The following NFIC variants were observed in gnomAD, a reference collection of about 807,000 sequenced individuals.
NFIC encodes the protein nuclear factor I C.
NFIC carries 12 observed loss-of-function variants against 54.4 expected under a neutral mutation model. The observed-to-expected ratio is 0.22, with a 90% CI of 0.14 to 0.36. The LOEUF is 0.36. Ranked by LOEUF, NFIC falls within the 10% of genes least tolerant of loss-of-function variation. The pLI is 1.00. For synonymous variants in NFIC, 322 were observed against 319.2 expected, an observed-to-expected ratio of 1.01 and a Z score of -0.09; for missense variants, 575 against 718.2, an observed-to-expected ratio of 0.80 and a Z score of 2.28.
In NFIC at chr19:3,452,783, T is replaced by A. The variant is rs1211071935; in HGVS notation, c.1269+117T>A. Reference sequence around the variant, plus strand: ...TAAAAGGGTCTTGAGGACTTGGCTCTGAAGTCCCCTCCTCTGTCGTGCTGG... The same window carrying A: ...TAAAAGGGTCTTGAGGACTTGGCTCAGAAGTCCCCTCCTCTGTCGTGCTGG... On this transcript the variant is annotated intron_variant, in intron 8 of 10. Transcript: ENST00000443272. This position sits in a 1 kb window ranked among gnomAD's most constrained non-coding sequence, Gnocchi z 5.3. 2.4e-6 allele frequency: 3 copies of A among 1,229,958 alleles called. No individual in the cohort carries two copies. Among genetic ancestry groups the A allele is most frequent in the Non-Finnish European group, 3.4e-6 (3 of 894,042 alleles). 76.2% of individuals were successfully genotyped at this position (1,229,958 alleles called of 1,614,324 possible). A position where few individuals can be genotyped will look rare whatever the true frequency, so the allele number is the denominator to read the frequency against.
intron 3 of NFIC, among the ~76,000 whole-genome samples, chr19:3,431,060 C>T (rs1198225853): frequency 2.6e-5 from 4 of 151,820 alleles, no homozygotes; most frequent in African/African-American, 7.3e-5. Context: ...TGTGTCAGAG[C>T]CTCGTTCTTT....
At chr19:3,428,953 C>T (rs1344232810) in intron 3 of NFIC, among the ~76,000 whole-genome samples, 1 of 151,998 alleles carries the variant, frequency 6.6e-6, no homozygotes, top group Non-Finnish European at 1.5e-5. Context: ...CCTCCCAGCG[C>T]GGGGCAGGGT....
chr19:3,381,844 C>G lies in NFIC; in HGVS notation c.163C>G (p.Arg55Gly). Residue 55 changes from arginine to glycine, a missense_variant, in exon 2 of 11, where the codon CGT (arginine) becomes GGT (glycine). Around this residue, in one of 3 missense-constraint regions of NFIC, gnomAD observed 122 missense variants for 158.0 expected, o/e 0.77. Transcript: ENST00000443272. ...GAAGCGGATGTCGAAGGACGAGGAG[C>G]GTGCGGTCAAGGACGAGCTGCTGGG... ...HEKRMSKDEE[R>G]AVKDELLGEK... 1 of 1,614,036 alleles carries G rather than the reference C, an allele frequency of 6.2e-7. No individual in the cohort carries two copies. The highest frequency in any genetic ancestry group is 2.2e-5 in the East Asian group (1 of 44,874).
rs539183613 is a variant in NFIC, at chr19:3,404,138, C to CT, written c.563-20968_563-20967insT. On this transcript the variant is annotated intron_variant, in intron 2 of 10. Coordinates refer to ENST00000443272, the MANE Select transcript of NFIC (RefSeq NM_001245002.2). ...GGCTCCCCCCGAGGCCTGCCCTTCT[C>CT]CCCCCCCCGTCACAGCCGCCGAGTC... 4.9e-4 allele frequency among the ~76,000 whole-genome samples: 74 copies of CT among 150,022 alleles called. 1 individual carries two copies. In the East Asian group the frequency reaches 0.014, roughly 28 times the overall value.
rs1420948888 is a variant in NFIC at position 3,381,824 on chromosome 19, G to A, written c.143G>A (p.Arg48Gln). 2 of 1,614,020 alleles carry A rather than the reference G, an allele frequency of 1.2e-6. No homozygotes were observed. The highest frequency in any genetic ancestry group is 1.7e-6 in the Non-Finnish European group (2 of 1,179,976). Residue 48 changes from arginine (R) to glutamine (Q), a missense_variant, in exon 2 of 11, where the codon CGG (arginine) becomes CAG (glutamine). Physicochemically the swap from Arg to Gln is conservative, Grantham distance 43. Transcript: ENST00000443272. Reference sequence around the variant, plus strand: ...AAGTACTTCAAGAAGCACGAGAAGCGGATGTCGAAGGACGAGGAGCGTGCG... The same window carrying A: ...AAGTACTTCAAGAAGCACGAGAAGCAGATGTCGAAGGACGAGGAGCGTGCG... ...KRKYFKKHEK[R>Q]MSKDEERAVK...
chr19:3,435,847 A>G (rs1217671075), intron 6 of NFIC, among the ~76,000 whole-genome samples: 2 of 151,008 alleles, frequency 1.3e-5, no homozygotes, highest in East Asian at 3.9e-4. Context: ...TTTTTTTGAG[A>G]TGGAGTTTCG....
At chr19:3,404,013 C>T (rs1172109736) in intron 2 of NFIC, among the ~76,000 whole-genome samples, 1 of 151,294 alleles carries the variant, frequency 6.6e-6, no homozygotes, top group African/African-American at 2.4e-5. Context: ...TTCTCCACCC[C>T]CCCAGCCCCT....
chr19:3,413,770 G>A (rs1351904705), intron 2 of NFIC, among the ~76,000 whole-genome samples: 1 of 151,980 alleles, frequency 6.6e-6, no homozygotes. Flanking sequence ...CGGAGCAGCT[G>A]GGATTACAGG....
rs1481214741 is a variant in NFIC, at chr19:3,382,261, G to T, written c.562+18G>T. On this transcript the variant is annotated intron_variant, in intron 2 of 10. Coordinates refer to ENST00000443272, the MANE Select transcript of NFIC (RefSeq NM_001245002.2). ...TGAGCGAGGTGAGGTGTGGTGGCCT[G>T]AGCGGAGCGGCCAGCGGGGAGGGTG... 1 of 1,591,802 alleles carries T rather than the reference G, an allele frequency of 6.3e-7. No homozygotes were observed. Among genetic ancestry groups the T allele is most frequent in the Non-Finnish European group, 8.5e-7 (1 of 1,174,398 alleles).
At position 3,433,414 on chromosome 19, in the gene NFIC, C is replaced by T. The variant is rs938881988; in HGVS notation, c.635-104C>T. The T allele has an allele frequency of 1.9e-5, 22 of 1,180,636 alleles. No individual in the cohort carries two copies. In the East Asian group the frequency reaches 2.0e-4, roughly 11 times the overall value. 73.1% of individuals were successfully genotyped at this position (1,180,636 alleles called of 1,614,324 possible). A position where few individuals can be genotyped will look rare whatever the true frequency, so the allele number is the denominator to read the frequency against. On this transcript the variant is annotated intron_variant, in intron 3 of 10. Coordinates refer to ENST00000443272, the MANE Select transcript of NFIC (RefSeq NM_001245002.2). ...CACAGCACAGGATGGACAGGGGGAA[C>T]GTCCAGGCTCGGGCCAGCCCCCAGG...
At chr19:3,428,894 G>A (rs950831209) in intron 3 of NFIC, among the ~76,000 whole-genome samples, 2 of 152,012 alleles carry the variant, frequency 1.3e-5, no homozygotes, top group African/African-American at 4.8e-5. Flanking sequence ...ACTTCTCCTG[G>A]ACACTCGGGG....
At chr19:3,426,184 C>T (rs953157289) in intron 3 of NFIC, among the ~76,000 whole-genome samples, 9 of 151,430 alleles carry the variant, frequency 5.9e-5, no homozygotes, top group Admixed American at 1.3e-4. Context: ...CCACCCACCT[C>T]GGCCTCCCGA....
At chr19:3,392,920 C>A (rs2081397732) in intron 2 of NFIC, among the ~76,000 whole-genome samples, 1 of 152,210 alleles carries the variant, frequency 6.6e-6, no homozygotes, top group Non-Finnish European at 1.5e-5. Context: ...GCTCTTGTCC[C>A]TTCTAAGTCC....
chr19:3,385,671 C>G (rs2081286034), intron 2 of NFIC, among the ~76,000 whole-genome samples: 1 of 148,528 alleles, frequency 6.7e-6, no homozygotes, highest in African/African-American at 2.5e-5. Context: ...CTCCCGGGTT[C>G]AAGCAATTCT....
intron 6 of NFIC, among the ~76,000 whole-genome samples, chr19:3,444,878 T>C (rs6510753): frequency 0.088 from 13,307 of 151,588 alleles, 1,857 homozygotes; most frequent in African/African-American, 0.3. Flanking sequence ...CGTGCACACA[T>C]GTATGCATGC....
At chr19:3,412,693 A>G (rs2081783692) in intron 2 of NFIC, among the ~76,000 whole-genome samples, 2 of 152,216 alleles carry the variant, frequency 1.3e-5, no homozygotes, top group Admixed American at 1.3e-4. Context: ...GATGGTTAAA[A>G]GGCATTAAAC....
chr19:3,407,467 G>T (rs926656773), intron 2 of NFIC, among the ~76,000 whole-genome samples: 1 of 150,160 alleles, frequency 6.7e-6, no homozygotes, highest in Non-Finnish European at 1.5e-5. Flanking sequence ...ATGGAGTCTC[G>T]CTCTGTCACC....
Position 3,467,789 on chromosome 19 carries a change from A to ATATATATATATATATATATGTATAT in NFIC, c.*5020_*5021insTATATATATATATATATATGTATAT, listed in dbSNP as rs1176215106. 1 of 129,366 alleles carries ATATATATATATATATATATGTATAT rather than the reference A, an allele frequency of 7.7e-6. No homozygotes were observed. Among genetic ancestry groups the ATATATATATATATATATATGTATAT allele is most frequent in the African/African-American group, 3.1e-5 (1 of 31,964 alleles). The allele number at this position is 129,366 out of a possible 1,614,324, so 8.0% of individuals were successfully genotyped here. On this transcript the variant is annotated 3_prime_UTR_variant, in exon 11 of 11. Coordinates refer to ENST00000443272, the MANE Select transcript of NFIC (RefSeq NM_001245002.2). ...TATATATATATATATATATATATATAATTTTGGAATTTGTTTCTCATAATA... is the reference window on the plus strand; with the variant it reads ...TATATATATATATATATATATATATATATATATATATATATATATGTATATATTTTGGAATTTGTTTCTCATAATA...
At chr19:3,373,632 T>TAAAAAACACCCCCCACCC (rs1568401824) in intron 1 of NFIC, among the ~76,000 whole-genome samples, 7 of 99,626 alleles carry the variant, frequency 7.0e-5, no homozygotes. Context: ...CCCCCCAAGC[T>TAAAAAACACCCCCCACCC]AAAAAACACC....
Sources: allele counts gnomAD v4.1 joint callset (sites outside exome capture counted in the v4.1 genomes callset), GRCh38; gene constraint gnomAD v4.1.1; regional missense constraint gnomAD v4.1.1; non-coding constraint Gnocchi (gnomAD v3.1); transcripts MANE v1.5; gene names NCBI Gene and HGNC (gene_info 2026-07-23, HGNC 2026-07-21).